The following URI1 variants were observed in gnomAD, a reference collection of about 807,000 sequenced individuals.
URI1 encodes URI1 prefoldin like chaperone.
Under a neutral mutation model 60.2 loss-of-function variants are expected in URI1, and 39 were observed. The observed-to-expected ratio is 0.65, with a 90% CI of 0.50 to 0.85. The LOEUF (loss-of-function observed/expected upper bound fraction) is 0.85. URI1 is among the 40% of genes least tolerant of loss of function. The probability of loss-of-function intolerance (pLI) is 0.00; values close to 1 mark genes in which losing one functional copy is unlikely to be tolerated. For synonymous variants in URI1, 251 were observed against 236.8 expected, an observed-to-expected ratio of 1.06 and a Z score of -0.55; for missense variants, 691 against 665.9, an observed-to-expected ratio of 1.04 and a Z score of -0.42.
At chr19:29,929,286 T>C (rs1165121553) in intron 1 of URI1, among the ~76,000 whole-genome samples, 1 of 152,138 alleles carries the variant, frequency 6.6e-6, no homozygotes, top group Non-Finnish European at 1.5e-5. Context: ...TGCCAACATT[T>C]ATTTTCCATT....
At chr19:29,944,320 C>T (rs1164143718) in intron 1 of URI1, among the ~76,000 whole-genome samples, 1 of 150,728 alleles carries the variant, frequency 6.6e-6, no homozygotes, top group Non-Finnish European at 1.5e-5. Context: ...CAAAACTTGG[C>T]ATTTTTTATT....
intron 1 of URI1, among the ~76,000 whole-genome samples, chr19:29,955,388 A>C (rs2055232529): frequency 6.6e-6 from 1 of 152,182 alleles, no homozygotes; most frequent in South Asian, 2.1e-4. Flanking sequence ...GCCTCAGTAA[A>C]TCACTTTATG....
intron 2 of URI1, among the ~76,000 whole-genome samples, chr19:29,984,569 A>G (rs922354537): frequency 4.6e-5 from 7 of 152,146 alleles, no homozygotes; most frequent in African/African-American, 1.7e-4. Context: ...AATTCTCAAA[A>G]TTTGAGTATT....
chr19:29,956,933 G>T, intron 1 of URI1: 1 of 1,049,742 alleles, frequency 9.5e-7, no homozygotes, highest in Non-Finnish European at 1.5e-6. Flanking sequence ...TCCCTTCAGA[G>T]TAACGTTGAC....
intron 1 of URI1, among the ~76,000 whole-genome samples, chr19:29,931,371 G>C (rs921893210): frequency 2.0e-5 from 3 of 152,124 alleles, no homozygotes; most frequent in Non-Finnish European, 2.9e-5. Context: ...TCTCTTCCTG[G>C]CTTGTCCATG....
chr19:29,996,632 A>G (rs1203181745), intron 4 of URI1, among the ~76,000 whole-genome samples: 1 of 152,060 alleles, frequency 6.6e-6, no homozygotes, highest in Non-Finnish European at 1.5e-5. Flanking sequence ...TAGAACTTCT[A>G]GTATGTTGTT....
intron 2 of URI1, among the ~76,000 whole-genome samples, chr19:29,975,500 CTTTTTTTTTTT>C (rs10717602): frequency 1.4e-5 from 1 of 72,364 alleles, no homozygotes; most frequent in Non-Finnish European, 2.8e-5. Context: ...GTTCTGTTTA[CTTTTTTTTTTT>C]TTTTTTTTTT....
chr19:29,926,124 T>C (rs2054863587), intron 1 of URI1, among the ~76,000 whole-genome samples: 1 of 151,952 alleles, frequency 6.6e-6, no homozygotes, highest in African/African-American at 2.4e-5. Context: ...TTTCAATAGG[T>C]TTTTAAGGAA....
intron 4 of URI1, among the ~76,000 whole-genome samples, chr19:29,988,871 A>G (rs1048385972): frequency 2.6e-5 from 4 of 152,208 alleles, no homozygotes; most frequent in African/African-American, 4.8e-5. Context: ...CTGTTTTCCA[A>G]AGTGGCTGTA....
At chr19:29,944,132 C>T (rs2055066610) in intron 1 of URI1, among the ~76,000 whole-genome samples, 1 of 82,004 alleles carries the variant, frequency 1.2e-5, no homozygotes, top group Non-Finnish European at 2.5e-5. Context: ...GAGTGAGACC[C>T]TGTCATTCAT....
chr19:29,962,617 G>A (rs1337558305), intron 1 of URI1, among the ~76,000 whole-genome samples: 2 of 144,840 alleles, frequency 1.4e-5, no homozygotes, highest in Non-Finnish European at 3.0e-5. Context: ...TTTTTATCCT[G>A]TACCTTTACT....
intron 1 of URI1, among the ~76,000 whole-genome samples, chr19:29,958,885 G>A (rs1471454909): frequency 2.6e-5 from 4 of 151,864 alleles, no homozygotes; most frequent in African/African-American, 7.2e-5. Context: ...GCTTGAACCC[G>A]GGAGGTGGAG....
At chr19:29,942,114 C>T, upstream of URI1, 2 of 644,566 alleles carry the variant, frequency 3.1e-6, no homozygotes, top group Non-Finnish European at 3.9e-6. Context: ...CCAGCGCGGA[C>T]ACCGCCAGCC....
At chr19:29,933,940 C>CTTTTTTTTTTTTTTTTTTTT (rs34942474) in intron 1 of URI1, among the ~76,000 whole-genome samples, 17 of 124,696 alleles carry the variant, frequency 1.4e-4, no homozygotes, top group African/African-American at 5.0e-4. Context: ...CTTTTCTTCC[C>CTTTTTTTTTTTTTTTTTTTT]TTTTTTTTTT....
At chr19:29,938,352 A>G (rs1241411902), upstream of URI1, among the ~76,000 whole-genome samples, 2 of 152,088 alleles carry the variant, frequency 1.3e-5, no homozygotes, top group Non-Finnish European at 2.9e-5. Context: ...AGGAAGGAGG[A>G]GGTGCCAGGC....
In URI1 at chr19:30,009,207, C is replaced by A; in HGVS notation, c.889C>A (p.His297Asn). 1.3e-6 allele frequency: 2 copies of A among 1,588,838 alleles called. No individual in the cohort carries two copies. The highest frequency in any genetic ancestry group is 1.7e-6 in the Non-Finnish European group (2 of 1,170,006). The change falls in exon 8 of 11, where the codon CAC becomes AAC. Residue 297 changes from histidine (H) to asparagine (N), a missense_variant. By Grantham distance (68) the His-to-Asn change is moderately conservative. Coordinates refer to ENST00000392271, the MANE Select transcript of URI1 (RefSeq NM_003796.3). ...NCSVNGSSSY[H>N]SDDDDDDDDD... is the part of the protein sequence containing the mutation. ...TTCAGTGAATGGTTCCAGTTCTTAC[C>A]ACAGTGATGATGATGATGATGATGA...
chr19:30,004,469 C>G (rs1280856823), intron 4 of URI1: 2 of 152,020 alleles, frequency 1.3e-5, no homozygotes, highest in African/African-American at 2.4e-5. Context: ...GAACTATGTA[C>G]TTTTCTCCTC....
intron 4 of URI1, among the ~76,000 whole-genome samples, chr19:29,991,458 C>G (rs530899300): frequency 1.3e-5 from 2 of 152,316 alleles, no homozygotes; most frequent in Non-Finnish European, 2.9e-5. Flanking sequence ...ATTGTATCCT[C>G]CATTCATGCT....
At chr19:29,973,712 T>A (rs368416148) in intron 2 of URI1, among the ~76,000 whole-genome samples, 122 of 152,204 alleles carry the variant, frequency 8.0e-4, no homozygotes, top group African/African-American at 2.7e-3. Context: ...AAAAAATCTT[T>A]GAGAAAATTA....
Sources: allele counts gnomAD v4.1 joint callset (sites outside exome capture counted in the v4.1 genomes callset), GRCh38; gene constraint gnomAD v4.1.1; transcripts MANE v1.5; gene names NCBI Gene and HGNC (gene_info 2026-07-23, HGNC 2026-07-21).